NREP: variants seen among roughly 807,000 people sequenced by gnomAD.
The protein encoded by NREP is neuronal regeneration related protein.
In NREP, 5 loss-of-function variants were observed where a neutral mutation model predicts 8.6. The observed-to-expected ratio is 0.58, with a 90% CI of 0.30 to 1.22. NREP has a LOEUF of 1.22. NREP is among the 50% of genes most tolerant of loss of function. The pLI, the probability that NREP is intolerant of heterozygous loss-of-function variation, is 0.07. For missense variants in NREP, 86 were observed against 82.5 expected (o/e 1.04, Z -0.17); for synonymous variants, 27 against 28.0 (o/e 0.96, Z 0.11).
At chr5:111,750,802 G>T (rs893175614) in intron 2 of NREP, among the ~76,000 whole-genome samples, 6 of 152,192 alleles carry the variant, frequency 3.9e-5, no homozygotes, top group African/African-American at 1.4e-4. Flanking sequence ...ACCATAGCTG[G>T]ATCCAACCCA....
At chr5:111,833,369 G>A (rs967653003) in intron 2 of NREP, among the ~76,000 whole-genome samples, 7 of 152,278 alleles carry the variant, frequency 4.6e-5, no homozygotes, top group South Asian at 4.2e-4. Flanking sequence ...CTACTTTAGC[G>A]CCAAAAGGCA....
intron 2 of NREP, among the ~76,000 whole-genome samples, chr5:111,886,770 A>C (rs1754260550): frequency 6.6e-6 from 1 of 151,352 alleles, no homozygotes; most frequent in African/African-American, 2.4e-5. Context: ...GGAACTGAAC[A>C]ATGAGACCAC....
chr5:111,852,880 C>T (rs1324602889), intron 2 of NREP, among the ~76,000 whole-genome samples: 1 of 152,124 alleles, frequency 6.6e-6, no homozygotes, highest in African/African-American at 2.4e-5. Flanking sequence ...TTGAGAAAAT[C>T]ACTAAACCTC....
chr5:111,741,246 T>C (rs1461905944), intron 2 of NREP, among the ~76,000 whole-genome samples: 1 of 152,182 alleles, frequency 6.6e-6, no homozygotes, highest in African/African-American at 2.4e-5. Context: ...CAAAGGGGTA[T>C]ATTTCATAAT....
intron 2 of NREP, among the ~76,000 whole-genome samples, chr5:111,744,914 C>T (rs1490069684): frequency 1.3e-5 from 2 of 152,048 alleles, no homozygotes; most frequent in Non-Finnish European, 2.9e-5. Flanking sequence ...AGATTTTTCC[C>T]CTCAGTCTTT....
chr5:111,734,935 A>C, intron 3 of NREP: 1 of 433,414 alleles, frequency 2.3e-6, no homozygotes, highest in Non-Finnish European at 4.1e-6. Flanking sequence ...GAACTGCCAC[A>C]CCTAAGATGT....
intron 2 of NREP, among the ~76,000 whole-genome samples, chr5:111,793,672 T>C (rs1444036028): frequency 5.9e-5 from 9 of 152,158 alleles, no homozygotes; most frequent in African/African-American, 2.2e-4. Context: ...AGTTGACATA[T>C]AAAATTAACC....
rs183878581 is a variant in NREP, at chr5:111,952,817, G to A, written c.135+22457C>T. Among the ~76,000 whole-genome samples the A allele has an allele frequency of 7.2e-4, 110 of 152,224 alleles. No homozygotes were observed. In the East Asian group the frequency reaches 0.012, roughly 17 times the overall value. The stretch of plus-strand genomic sequence containing the variant: ...GATGTTACCATTGGGGAAAGTATGT[G>A]AAGAATATATGGAATCTCTCTGTAT... On this transcript the variant is annotated intron_variant, in intron 2 of 3. Coordinates refer to the NREP transcript ENST00000395634.
chr5:111,857,828 A>G (rs758241788), intron 2 of NREP, among the ~76,000 whole-genome samples: 58 of 152,186 alleles, frequency 3.8e-4, no homozygotes, highest in Non-Finnish European at 8.8e-5. Context: ...TGTTTTCCTC[A>G]GGATGGCAGC....
intron 2 of NREP, among the ~76,000 whole-genome samples, chr5:111,858,884 G>T (rs1194411998): frequency 6.6e-6 from 1 of 151,922 alleles, no homozygotes; most frequent in Middle Eastern, 3.2e-3. Flanking sequence ...ACATTTCTAT[G>T]GTTTAGTAAT....
chr5:111,886,225 T>C (rs1434560775), intron 2 of NREP, among the ~76,000 whole-genome samples: 1 of 152,180 alleles, frequency 6.6e-6, no homozygotes, highest in Non-Finnish European at 1.5e-5. Flanking sequence ...GAAAAAATGC[T>C]CACCATCACT....
intron 2 of NREP, among the ~76,000 whole-genome samples, chr5:111,947,826 C>A (rs567804644): frequency 6.6e-6 from 1 of 152,142 alleles, no homozygotes; most frequent in Non-Finnish European, 1.5e-5. Flanking sequence ...TTTTAGTTAT[C>A]TTGTACATTA....
chr5:111,765,899 C>T (rs1238193702), intron 2 of NREP, among the ~76,000 whole-genome samples: 1 of 152,112 alleles, frequency 6.6e-6, no homozygotes, highest in African/African-American at 2.4e-5. Flanking sequence ...AAAAATGGCA[C>T]CTACACTTCC....
chr5:111,934,738 T>A (rs1425091067), intron 2 of NREP, among the ~76,000 whole-genome samples: 3 of 152,080 alleles, frequency 2.0e-5, no homozygotes, highest in Non-Finnish European at 4.4e-5. Flanking sequence ...CAACACAGGA[T>A]TATCCCAGTG....
intron 2 of NREP, among the ~76,000 whole-genome samples, chr5:111,967,153 C>A (rs185329359): frequency 6.6e-6 from 1 of 152,194 alleles, no homozygotes; most frequent in Non-Finnish European, 1.5e-5. Context: ...ACTTATCCAG[C>A]CCAATACTCC....
rs960116079 is a variant in NREP, at chr5:111,735,346, T to C, written c.81+84A>G. On this transcript the variant is annotated intron_variant, in intron 3 of 3. Coordinates refer to ENST00000257435, the MANE Select transcript of NREP (RefSeq NM_004772.4). ...TTGTTATAGCAGCCTATAATGGGTA[T>C]TCAAATGAAAAAGCTCTGATATTTT... 2.0e-5 allele frequency: 18 copies of C among 915,860 alleles called. No individual in the cohort carries two copies. The African/African-American group carries it at 2.9e-4, about 15-fold the overall frequency. 56.7% of individuals were successfully genotyped at this position (915,860 alleles called of 1,614,324 possible). A position where few individuals can be genotyped will look rare whatever the true frequency, so the allele number is the denominator to read the frequency against.
At chr5:111,776,776 T>C (rs1166498154) in intron 2 of NREP, among the ~76,000 whole-genome samples, 1 of 152,160 alleles carries the variant, frequency 6.6e-6, no homozygotes, top group Non-Finnish European at 1.5e-5. Flanking sequence ...TGATAGAAGT[T>C]AGACTAGAGA....
Position 111,895,926 on chromosome 5 carries a change from T to A in NREP, c.135+79348A>T, listed in dbSNP as rs375501545. ...GGCAGCAGCCAATTGGAATGTATGC[T>A]GTCTGAAAACGATTGATAAGACTGT... On this transcript the variant is annotated intron_variant, in intron 2 of 3. Coordinates refer to the NREP transcript ENST00000395634. Among the ~76,000 whole-genome samples, 4 of 152,202 alleles carry A rather than the reference T, an allele frequency of 2.6e-5. No individual in the cohort carries two copies. The South Asian group carries it at 8.3e-4, about 32-fold the overall frequency.
At chr5:111,972,269 C>T (rs954847749) in intron 2 of NREP, among the ~76,000 whole-genome samples, 3 of 151,994 alleles carry the variant, frequency 2.0e-5, no homozygotes, top group African/African-American at 7.3e-5. Context: ...TAAAGGGAAC[C>T]ACTGCATACT....
Sources: allele counts gnomAD v4.1 joint callset (sites outside exome capture counted in the v4.1 genomes callset), GRCh38; gene constraint gnomAD v4.1.1; transcripts MANE v1.5; gene names NCBI Gene and HGNC (gene_info 2026-07-23, HGNC 2026-07-21).